The following NAALADL2 variants were observed in gnomAD, a reference collection of about 807,000 sequenced individuals.
NAALADL2 encodes the protein N-acetylated alpha-linked acidic dipeptidase like 2.
In NAALADL2, 76 loss-of-function variants were observed where a neutral mutation model predicts 87.2. The ratio of observed to expected loss-of-function variants is 0.87; its 90% CI spans 0.72 to 1.05. The LOEUF (loss-of-function observed/expected upper bound fraction) is 1.05, where lower values mean the gene tolerates loss of function less well. Among genes scored for constraint, NAALADL2 ranks in the 50% least tolerant of loss-of-function variants. NAALADL2 has a pLI of 0.00. For missense variants in NAALADL2, 1,089 were observed against 945.8 expected (o/e 1.15, Z -1.99); for synonymous variants, 354 against 331.0 (o/e 1.07, Z -0.75).
intron 4 of NAALADL2, among the ~76,000 whole-genome samples, chr3:175,321,937 C>T (rs2110406104): frequency 6.6e-6 from 1 of 150,544 alleles, no homozygotes; most frequent in South Asian, 2.1e-4. Flanking sequence ...GATTCAATGC[C>T]ATCCCCATCA....
chr3:174,974,489 C>T (rs545126653), intron 1 of NAALADL2, among the ~76,000 whole-genome samples: 1 of 152,260 alleles, frequency 6.6e-6, no homozygotes, highest in East Asian at 1.9e-4. Flanking sequence ...CATGTTAATA[C>T]TTTTCATGTC....
chr3:175,004,468 T>C (rs1748733049), intron 1 of NAALADL2, among the ~76,000 whole-genome samples: 1 of 151,562 alleles, frequency 6.6e-6, no homozygotes, highest in African/African-American at 2.4e-5. Flanking sequence ...GTGTGGCGTT[T>C]GTTTAACAGC....
At position 174,634,392 on chromosome 3, in the gene NAALADL2, C is replaced by G. The variant is rs149738963; in HGVS notation, c.-115+83755C>G. ...AAGAGAGCAGAGTTATAGATCAATA[C>G]TATTGTGCACAGTCCTAGAGTTGGT... is the stretch of plus-strand genomic sequence containing the variant. On this transcript the variant is annotated intron_variant, in intron 2 of 3. Transcript: ENST00000434257. Among the ~76,000 whole-genome samples, 3 of 151,998 alleles carry G rather than the reference C, an allele frequency of 2.0e-5. No homozygotes were observed. The East Asian group carries it at 5.8e-4, about 29-fold the overall frequency.
intron 12 of NAALADL2, among the ~76,000 whole-genome samples, chr3:175,742,208 TAGC>T (rs1745317960): frequency 6.6e-6 from 1 of 152,202 alleles, no homozygotes; most frequent in Non-Finnish European, 1.5e-5. Context: ...GGGAGGTATG[TAGC>T]TTGTTTTCAA....
intron 5 of NAALADL2, among the ~76,000 whole-genome samples, chr3:175,390,136 A>G (rs1468575976): frequency 2.6e-5 from 4 of 152,148 alleles, no homozygotes; most frequent in Non-Finnish European, 5.9e-5. Flanking sequence ...AAAAAAATAG[A>G]ACTTTTAATT....
chr3:175,207,660 CTTCTTTGATTAT>C (rs1285674582), intron 2 of NAALADL2, among the ~76,000 whole-genome samples: 1 of 152,092 alleles, frequency 6.6e-6, no homozygotes, highest in Non-Finnish European at 1.5e-5. Context: ...TCTGTTTTCC[CTTCTTTGATTAT>C]TCCTTCATTT....
At chr3:175,376,218 A>G (rs753629284) in intron 5 of NAALADL2, among the ~76,000 whole-genome samples, 31 of 152,214 alleles carry the variant, frequency 2.0e-4, no homozygotes, top group Non-Finnish European at 4.3e-4. Flanking sequence ...TTCTTTTCGT[A>G]TCTCTGAATT....
chr3:174,870,584 C>CA lies in NAALADL2; in HGVS notation c.43+11141dup, dbSNP rs925063062. 4.3e-3 allele frequency among the ~76,000 whole-genome samples: 590 copies of CA among 137,028 alleles called. 2 individuals are homozygous for CA. The highest frequency in any genetic ancestry group is 0.015 in the African/African-American group (525 of 34,576). 89.9% of individuals were successfully genotyped at this position (137,028 alleles called of 152,430 possible). ...ATCTTGTTATTATTATCAATAATAA[C>CA]AAAAAAATAAAAAAAAAACACAATT... On this transcript the variant is annotated intron_variant, in intron 1 of 13. Coordinates refer to ENST00000454872, the MANE Select transcript of NAALADL2 (RefSeq NM_207015.3).
chr3:174,521,895 T>C (rs760819749), intron 1 of NAALADL2, among the ~76,000 whole-genome samples: 7 of 152,106 alleles, frequency 4.6e-5, no homozygotes, highest in Non-Finnish European at 7.4e-5. Context: ...ACACAATGTA[T>C]GCATGTAACA....
At chr3:175,642,747 G>T (rs544599766) in intron 11 of NAALADL2, among the ~76,000 whole-genome samples, 1 of 152,160 alleles carries the variant, frequency 6.6e-6, no homozygotes, top group Admixed American at 6.5e-5. Flanking sequence ...TGATCCTCCC[G>T]CCTCGGCTTC....
intron 2 of NAALADL2, among the ~76,000 whole-genome samples, chr3:174,628,902 T>C (rs921115615): frequency 1.6e-4 from 24 of 152,252 alleles, no homozygotes; most frequent in Admixed American, 5.2e-4. Flanking sequence ...GACTCATTTA[T>C]TCTTTTCTTC....
At chr3:174,561,584 G>A (rs1578175230) in intron 2 of NAALADL2, among the ~76,000 whole-genome samples, 1 of 152,012 alleles carries the variant, frequency 6.6e-6, no homozygotes, top group East Asian at 1.9e-4. Flanking sequence ...CAAGTAGAGA[G>A]GATAATCAGA....
chr3:175,155,126 C>A (rs147840436), intron 2 of NAALADL2, among the ~76,000 whole-genome samples: 3 of 152,120 alleles, frequency 2.0e-5, no homozygotes, highest in Non-Finnish European at 1.5e-5. Flanking sequence ...GTGTAACAAA[C>A]CCCTGGAGAG....
rs1576885129 is a variant in NAALADL2, at chr3:175,806,049, T to C, written c.*2846T>C. The C allele has an allele frequency of 6.6e-6, 1 of 151,960 alleles. No individual in the cohort carries two copies. The highest frequency in any genetic ancestry group is 1.5e-5 in the Non-Finnish European group (1 of 67,884). 9.4% of individuals were successfully genotyped at this position (151,960 alleles called of 1,614,324 possible). On this transcript the variant is annotated 3_prime_UTR_variant, in exon 14 of 14. Transcript: ENST00000454872. ...GAATTTAAGCTTCTCTGCTTTCTCATGCAGTATATCTTGCTTCTCCCTGAG... is the reference window on the plus strand; with the variant it reads ...GAATTTAAGCTTCTCTGCTTTCTCACGCAGTATATCTTGCTTCTCCCTGAG...
intron 9 of NAALADL2, among the ~76,000 whole-genome samples, chr3:175,473,300 C>T (rs1725166479): frequency 6.6e-6 from 1 of 151,902 alleles, no homozygotes; most frequent in African/African-American, 2.4e-5. Context: ...CAACATGTAC[C>T]TCACTTTTTG....
chr3:175,470,290 G>T (rs1227599745), intron 8 of NAALADL2, among the ~76,000 whole-genome samples: 1 of 151,958 alleles, frequency 6.6e-6, no homozygotes, highest in East Asian at 1.9e-4. Context: ...TATATTGTGT[G>T]GCATGGTGAA....
chr3:174,541,221 ACATT>A (rs1358822312), intron 1 of NAALADL2, among the ~76,000 whole-genome samples: 2 of 152,214 alleles, frequency 1.3e-5, no homozygotes, highest in Admixed American at 6.5e-5. Context: ...GCCACACTTC[ACATT>A]CAATTTAATT....
chr3:175,094,204 G>A (rs758599451), intron 1 of NAALADL2, among the ~76,000 whole-genome samples: 7 of 151,836 alleles, frequency 4.6e-5, no homozygotes, highest in Non-Finnish European at 8.8e-5. Flanking sequence ...TGGAAAAAAT[G>A]TCTGAGTAAA....
chr3:174,765,139 CACACGAGAGA>C (rs762287015), intron 3 of NAALADL2, among the ~76,000 whole-genome samples: 3 of 124,426 alleles, frequency 2.4e-5, no homozygotes, highest in African/African-American at 2.6e-5. Context: ...CACACACACA[CACACGAGAGA>C]GAGAGAGAGA....
Sources: gnomAD v4.1 joint callset for allele counts (sites outside exome capture counted in the v4.1 genomes callset) on GRCh38, gnomAD v4.1.1 for gene constraint, MANE v1.5 for transcripts, NCBI Gene and HGNC (gene_info 2026-07-23, HGNC 2026-07-21) for gene names.